The following LIPF variants were observed in gnomAD, a reference collection of about 807,000 sequenced individuals.
The protein encoded by LIPF is lipase F, gastric type.
LIPF carries 25 observed loss-of-function variants against 38.0 expected under a neutral mutation model. That is an observed-to-expected ratio of 0.66 (90% CI 0.48 to 0.92). LIPF has a LOEUF of 0.92. Ranked by LOEUF, LIPF falls within the 40% of genes least tolerant of loss-of-function variation. The pLI is 0.00. For synonymous variants in LIPF, 161 were observed against 156.2 expected (o/e 1.03, Z -0.23); for missense variants, 410 against 469.9 (o/e 0.87, Z 1.18).
chr10:88,665,767 G>A (rs1240987166), intron 1 of LIPF, among the ~76,000 whole-genome samples: 3 of 114,086 alleles, frequency 2.6e-5, no homozygotes, highest in Non-Finnish European at 5.3e-5. Flanking sequence ...TTTTTGAGAC[G>A]GAGTCTCACA....
intron 3 of LIPF, 30 bp downstream of exon 3, chr10:88,667,716 T>C (rs1034847170): frequency 3.3e-6 from 3 of 914,504 alleles, no homozygotes; most frequent in African/African-American, 1.7e-5. Context: ...CTTCCTTCCT[T>C]TCTCTCTTTT....
chr10:88,676,115 T>C lies in LIPF; in HGVS notation c.889-94T>C, dbSNP rs1841682238. ...TGAGAAAAATGTTTCTTAATAATTG[T>C]TTAAATTGAAAATAAACTGCTTGGA... On this transcript the variant is annotated intron_variant, in intron 8 of 9. Transcript: ENST00000238983. The C allele has an allele frequency of 1.2e-5, 8 of 693,142 alleles. No individual in the cohort carries two copies. In the East Asian group the frequency reaches 2.4e-4, roughly 21 times the overall value. 42.9% of individuals were successfully genotyped at this position (693,142 alleles called of 1,614,324 possible).
At chr10:88,670,636 G>A (rs369298149) in intron 5 of LIPF, among the ~76,000 whole-genome samples, 1 of 152,176 alleles carries the variant, frequency 6.6e-6, no homozygotes, top group African/African-American at 2.4e-5. Flanking sequence ...ACAGCAGTGA[G>A]GCTATGCCTT....
Position 88,669,945 on chromosome 10 carries a change from T to G in LIPF, c.531T>G (p.Ile177Met). 1 of 1,591,244 alleles carries G rather than the reference T, an allele frequency of 6.3e-7. No homozygotes were observed. Among genetic ancestry groups the G allele is most frequent in the East Asian group, 2.2e-5 (1 of 44,706 alleles). Reference sequence around the variant, plus strand: ...TTGGCCATTCCCAGGGCACCACCATTGGTAAGTAATGGCAGTCAAGGCCAA... The same window carrying G: ...TTGGCCATTCCCAGGGCACCACCATGGGTAAGTAATGGCAGTCAAGGCCAA... ...HYVGHSQGTT[I>M]GFIAFSTNPS... The change falls in exon 5 of 10, where the codon ATT becomes ATG. Residue 177 changes from isoleucine (I) to methionine (M), a missense_variant and splice_region_variant. Ile to Met is a conservative substitution (Grantham distance 10, BLOSUM62 1). Coordinates refer to ENST00000238983, the MANE Select transcript of LIPF (RefSeq NM_004190.4).
At chr10:88,675,337 C>T (rs1841668878) in intron 7 of LIPF, among the ~76,000 whole-genome samples, 1 of 152,142 alleles carries the variant, frequency 6.6e-6, no homozygotes, top group Admixed American at 6.5e-5. Flanking sequence ...CTTTGTGCCC[C>T]AATTTTCATG....
At position 88,666,322 on chromosome 10, in the gene LIPF, T is replaced by G. The variant is rs984691892; in HGVS notation, c.-11-965T>G. 3.0e-4 allele frequency among the ~76,000 whole-genome samples: 45 copies of G among 152,230 alleles called. 1 individual carries two copies. The highest frequency in any genetic ancestry group is 2.4e-3 in the Admixed American group (36 of 15,282). ...AAGTCAAATATTTCTACATATGATC[T>G]CGAAGTATTGCTCCTAACATACAAT... On this transcript the variant is annotated intron_variant, in intron 1 of 9. Coordinates refer to ENST00000238983, the MANE Select transcript of LIPF (RefSeq NM_004190.4).
chr10:88,675,421 CT>C (rs2134646686), intron 7 of LIPF, 164 bp from the exon 8 acceptor site: 1 of 587,894 alleles, frequency 1.7e-6, no homozygotes, highest in East Asian at 3.0e-5. Context: ...TGCAATTGCA[CT>C]TTGCAAATTC....
Position 88,667,373 on chromosome 10 carries a change from C to A in LIPF, c.76C>A (p.Pro26Thr). The A allele has an allele frequency of 6.2e-7, 1 of 1,606,234 alleles. No homozygotes were observed. The highest frequency in any genetic ancestry group is 8.5e-7 in the Non-Finnish European group (1 of 1,172,960). Residue 26 changes from proline (P) to threonine (T), a missense_variant, in exon 2 of 10, where the codon CCT becomes ACT. By Grantham distance (38) the Pro-to-Thr change is conservative. Coordinates refer to ENST00000238983, the MANE Select transcript of LIPF (RefSeq NM_004190.4). ...TTHGLFGKLH[P>T]GSPEVTMNIS... ...ACATGGTTTGTTTGGAAAATTACAT[C>A]CTGGAAGCCCTGAAGTGACTATGAA...
rs1366633629 is a variant in LIPF at position 88,678,462 on chromosome 10, C to T, written c.978C>T (p.Tyr326=). The change falls in exon 10 of 10, where the codon TAC becomes TAT. Residue 326 remains tyrosine, a synonymous_variant. Coordinates refer to ENST00000238983, the MANE Select transcript of LIPF (RefSeq NM_004190.4). Reference sequence around the variant, plus strand: ...TTTTCTAGTCCCAACCTCCCTACTACAATGTGACAGCCATGAATGTACCAA... The same window carrying T: ...TTTTCTAGTCCCAACCTCCCTACTATAATGTGACAGCCATGAATGTACCAA... ...MHYDQSQPPY[Y]NVTAMNVPIA... is the part of the protein sequence containing the mutation. 6.2e-7 allele frequency: 1 copy of T among 1,613,726 alleles called. No individual in the cohort carries two copies. Among genetic ancestry groups the T allele is most frequent in the Non-Finnish European group, 8.5e-7 (1 of 1,179,740 alleles).
chr10:88,677,571 T>C (rs1841706947), intron 9 of LIPF, among the ~76,000 whole-genome samples: 1 of 152,220 alleles, frequency 6.6e-6, no homozygotes, highest in Non-Finnish European at 1.5e-5. Context: ...TTAGGAAATA[T>C]AATAGAAATC....
chr10:88,667,712 T>G, intron 3 of LIPF, 26 bp downstream of exon 3: 1 of 934,330 alleles, frequency 1.1e-6, no homozygotes, highest in South Asian at 1.5e-5. Context: ...TTTTCTTCCT[T>G]CCTTTCTCTC....
intron 9 of LIPF, among the ~76,000 whole-genome samples, chr10:88,677,625 A>G (rs1215667854): frequency 6.6e-6 from 1 of 152,212 alleles, no homozygotes; most frequent in Non-Finnish European, 1.5e-5. Context: ...ATATTTTGCT[A>G]TGGCAAGTTG....
rs753928287 is a variant in LIPF at position 88,669,947 on chromosome 10, G to A, written c.532+1G>A. On this transcript the variant is annotated splice_donor_variant, in intron 5 of 9. Coordinates refer to ENST00000238983, the MANE Select transcript of LIPF (RefSeq NM_004190.4). LOFTEE classifies it high-confidence loss of function. ...GGCCATTCCCAGGGCACCACCATTG[G>A]TAAGTAATGGCAGTCAAGGCCAAGT... 3 of 1,591,396 alleles carry A rather than the reference G, an allele frequency of 1.9e-6. No individual in the cohort carries two copies. In the Admixed American group the frequency reaches 5.0e-5, roughly 27 times the overall value.
chr10:88,673,835 A>G, intron 7 of LIPF, 101 bp downstream of exon 7: 1 of 869,052 alleles, frequency 1.2e-6, no homozygotes, highest in Non-Finnish European at 1.8e-6. Flanking sequence ...GAGTAGGTTC[A>G]GAACTGCGAT....
At chr10:88,665,408 A>T in intron 1 of LIPF, 1 of 682,336 alleles carries the variant, frequency 1.5e-6, no homozygotes, top group East Asian at 2.7e-5. Context: ...CATTTCACGT[A>T]TACCATGTTG....
chr10:88,667,645 T>C lies in LIPF; in HGVS notation c.182T>C (p.Val61Ala). The C allele has an allele frequency of 6.3e-7, 1 of 1,583,354 alleles. No individual in the cohort carries two copies. The highest frequency in any genetic ancestry group is 8.7e-7 in the Non-Finnish European group (1 of 1,153,014). ...VVTEDGYILE[V>A]NRIPYGKKNS... ...ACTGAAGATGGTTATATTCTTGAAGTCAATAGAATTCCTTATGGGAAGAAA... is the reference window on the plus strand; with the variant it reads ...ACTGAAGATGGTTATATTCTTGAAGCCAATAGAATTCCTTATGGGAAGAAA... Residue 61 changes from valine (V) to alanine (A), a missense_variant, in exon 3 of 10, where the codon GTC becomes GCC. Transcript: ENST00000238983.
At chr10:88,672,457 C>G (rs1485351904) in intron 6 of LIPF, among the ~76,000 whole-genome samples, 1 of 152,144 alleles carries the variant, frequency 6.6e-6, no homozygotes, top group African/African-American at 2.4e-5. Context: ...TCCCTTTTGG[C>G]TTTCCTAAGA....
chr10:88,669,882 C>T lies in LIPF; in HGVS notation c.468C>T (p.Phe156=), dbSNP rs1468596520. The change falls in exon 5 of 10, where the codon TTC becomes TTT. Residue 156 remains phenylalanine (F), a synonymous_variant. Transcript: ENST00000238983. ...AKYDLPATID[F]IVKKTGQKQL... is the part of the protein sequence containing the mutation. Reference sequence around the variant, plus strand: ...ATGACCTTCCAGCCACAATCGACTTCATTGTAAAGAAAACTGGACAGAAGC... The same window carrying T: ...ATGACCTTCCAGCCACAATCGACTTTATTGTAAAGAAAACTGGACAGAAGC... The T allele has an allele frequency of 6.2e-7, 1 of 1,613,640 alleles. No individual in the cohort carries two copies. The highest frequency in any genetic ancestry group is 1.1e-5 in the South Asian group (1 of 91,004).
chr10:88,676,973 G>T (rs1312077588), intron 9 of LIPF, among the ~76,000 whole-genome samples: 1 of 152,100 alleles, frequency 6.6e-6, no homozygotes, highest in Non-Finnish European at 1.5e-5. Flanking sequence ...AAGCTCTCGG[G>T]TTATCACTGA....
Sources: gnomAD v4.1 joint callset for allele counts (sites outside exome capture counted in the v4.1 genomes callset) on GRCh38, gnomAD v4.1.1 for gene constraint, MANE v1.5 for transcripts, NCBI Gene and HGNC (gene_info 2026-07-23, HGNC 2026-07-21) for gene names.